Variants in KCNH5 observed in about 807,000 individuals in gnomAD.
KCNH5 encodes the protein potassium voltage-gated channel subfamily H member 5, also known as voltage-gated delayed rectifier potassium channel KCNH5.
Under a neutral mutation model 96.1 loss-of-function variants are expected in KCNH5, and 46 were observed. The observed-to-expected ratio is 0.48, with a 90% CI of 0.38 to 0.61. The LOEUF is 0.61. Ranked by LOEUF, KCNH5 falls within the 20% of genes least tolerant of loss-of-function variation. The pLI is 0.00. For missense variants in KCNH5, 907 were observed against 1,225.8 expected, an observed-to-expected ratio of 0.74 and a Z score of 3.88; for synonymous variants, 439 against 449.8, an observed-to-expected ratio of 0.98 and a Z score of 0.30.
chr14:62,957,079 T>C (rs1260451101), intron 6 of KCNH5, among the ~76,000 whole-genome samples: 2 of 152,192 alleles, frequency 1.3e-5, no homozygotes. Context: ...CTTTCAGCCA[T>C]CAGCCTTCCA....
At chr14:62,913,158 G>C (rs977111371) in intron 7 of KCNH5, among the ~76,000 whole-genome samples, 3 of 152,130 alleles carry the variant, frequency 2.0e-5, no homozygotes, top group Non-Finnish European at 4.4e-5. Context: ...CATCTTGTTG[G>C]CCTCGAATAT....
intron 8 of KCNH5, among the ~76,000 whole-genome samples, chr14:62,824,541 T>G (rs1245998993): frequency 2.6e-5 from 4 of 152,092 alleles, no homozygotes; most frequent in Non-Finnish European, 4.4e-5. Flanking sequence ...ATTGAAACAT[T>G]TTTCACCTTA....
At chr14:62,714,171 C>T (rs1171325746) in intron 10 of KCNH5, among the ~76,000 whole-genome samples, 1 of 151,832 alleles carries the variant, frequency 6.6e-6, no homozygotes, top group East Asian at 1.9e-4. Flanking sequence ...TGCCCGTGGT[C>T]CTAGCTACTT....
At chr14:63,033,503 C>T (rs553615937) in intron 1 of KCNH5, among the ~76,000 whole-genome samples, 3 of 152,310 alleles carry the variant, frequency 2.0e-5, no homozygotes, top group East Asian at 3.9e-4. Context: ...CCAATGCACA[C>T]GATCATCAAA....
chr14:62,958,068 A>G (rs186307284), intron 6 of KCNH5, among the ~76,000 whole-genome samples: 1 of 152,230 alleles, frequency 6.6e-6, no homozygotes, highest in Non-Finnish European at 1.5e-5. Context: ...CACTGGGGCA[A>G]TATAGATATC....
intron 1 of KCNH5, among the ~76,000 whole-genome samples, chr14:63,032,907 A>G (rs1041595279): frequency 1.3e-5 from 2 of 152,034 alleles, no homozygotes; most frequent in African/African-American, 2.4e-5. Context: ...AGTTTTTCCC[A>G]TCTCAAGGAT....
At chr14:62,785,038 A>C (rs1385331207) in intron 9 of KCNH5, among the ~76,000 whole-genome samples, 2 of 152,130 alleles carry the variant, frequency 1.3e-5, no homozygotes, top group African/African-American at 4.8e-5. Flanking sequence ...AGCAATACTA[A>C]TTGTTTCATT....
At chr14:62,970,638 A>G (rs902173196) in intron 6 of KCNH5, among the ~76,000 whole-genome samples, 1 of 152,188 alleles carries the variant, frequency 6.6e-6, no homozygotes, top group African/African-American at 2.4e-5. Flanking sequence ...AATGTATTTT[A>G]AAAAGTATAC....
intron 8 of KCNH5, among the ~76,000 whole-genome samples, chr14:62,817,796 T>C (rs930966874): frequency 1.5e-5 from 2 of 130,098 alleles, no homozygotes; most frequent in Non-Finnish European, 3.3e-5. Flanking sequence ...ATATATATTC[T>C]ATATATATTC....
At chr14:62,799,724 TATACAC>T (rs1469874808) in intron 9 of KCNH5, among the ~76,000 whole-genome samples, 66 of 104,332 alleles carry the variant, frequency 6.3e-4, no homozygotes, top group African/African-American at 2.4e-3. Flanking sequence ...TATATATATA[TATACAC>T]ACACACACAC....
chr14:62,830,681 TGTGA>T (rs1887327951), intron 8 of KCNH5, among the ~76,000 whole-genome samples: 1 of 152,088 alleles, frequency 6.6e-6, no homozygotes, highest in Non-Finnish European at 1.5e-5. Flanking sequence ...CTCCCTAAGA[TGTGA>T]GTATTAAAAT....
intron 6 of KCNH5, among the ~76,000 whole-genome samples, chr14:62,954,118 T>C (rs1306925358): frequency 6.6e-6 from 1 of 152,212 alleles, no homozygotes; most frequent in African/African-American, 2.4e-5. Flanking sequence ...TGCTGTTTCA[T>C]GCTACGTTAC....
rs751954566 is a variant in KCNH5, at chr14:62,894,067, T to A, written c.1370-44215A>T. 1.1e-3 allele frequency among the ~76,000 whole-genome samples: 160 copies of A among 152,302 alleles called. 1 individual carries two copies. The highest frequency in any genetic ancestry group is 1.2e-3 in the South Asian group (6 of 4,828). On this transcript the variant is annotated intron_variant, in intron 7 of 10. Transcript: ENST00000322893. ...TTGCATTTTTTAGCAAGAAAGCATT[T>A]TAAATTAAGGTATGAACATTGTTTT...
At chr14:62,993,789 C>T (rs1465843612) in intron 4 of KCNH5, among the ~76,000 whole-genome samples, 1 of 152,012 alleles carries the variant, frequency 6.6e-6, no homozygotes, top group Non-Finnish European at 1.5e-5. Flanking sequence ...ATTTACTGAT[C>T]TCACCTTTAC....
At chr14:62,913,511 C>A (rs977707750) in intron 7 of KCNH5, among the ~76,000 whole-genome samples, 1 of 152,166 alleles carries the variant, frequency 6.6e-6, no homozygotes, top group Admixed American at 6.5e-5. Context: ...CAGGCATGAG[C>A]CACTGCGCCC....
At chr14:62,817,360 A>G (rs1887008912) in intron 8 of KCNH5, among the ~76,000 whole-genome samples, 1 of 147,964 alleles carries the variant, frequency 6.8e-6, no homozygotes. Context: ...AAAAGAACCA[A>G]ACAGGAATTC....
intron 10 of KCNH5, among the ~76,000 whole-genome samples, chr14:62,736,504 C>T (rs1009238920): frequency 1.3e-5 from 2 of 152,128 alleles, no homozygotes; most frequent in Admixed American, 1.3e-4. Flanking sequence ...TTCCAAACTC[C>T]ACCCAGACAA....
intron 6 of KCNH5, among the ~76,000 whole-genome samples, chr14:62,956,732 C>T (rs1023223031): frequency 1.1e-4 from 17 of 152,054 alleles, no homozygotes; most frequent in Non-Finnish European, 2.9e-5. Context: ...CCACGAATTG[C>T]ATTTAATTCC....
chr14:62,900,585 A>G (rs1888904976), intron 7 of KCNH5, among the ~76,000 whole-genome samples: 1 of 152,188 alleles, frequency 6.6e-6, no homozygotes, highest in Non-Finnish European at 1.5e-5. Flanking sequence ...TTGGTGGTAA[A>G]GCTAAGTTAC....
Sources: gnomAD v4.1 joint callset for allele counts (sites outside exome capture counted in the v4.1 genomes callset) on GRCh38, gnomAD v4.1.1 for gene constraint, MANE v1.5 for transcripts, NCBI Gene and HGNC (gene_info 2026-07-23, HGNC 2026-07-21) for gene names.